TEAD1: variants seen among roughly 807,000 people sequenced by gnomAD.
The protein encoded by TEAD1 is transcriptional enhancer factor TEF-1.
A neutral mutation model predicts 54.9 loss-of-function variants in TEAD1; 9 were observed. The observed-to-expected ratio is 0.16, with a 90% CI of 0.10 to 0.29. TEAD1 has a LOEUF of 0.29. TEAD1 is among the 10% of genes least tolerant of loss of function. The probability of loss-of-function intolerance (pLI) is 1.00; values close to 1 mark genes in which losing one functional copy is unlikely to be tolerated. For synonymous variants in TEAD1, 200 were observed against 187.8 expected, an observed-to-expected ratio of 1.07 and a Z score of -0.53; for missense variants, 387 against 535.9, an observed-to-expected ratio of 0.72 and a Z score of 2.74.
chr11:12,732,924 G>A (rs951185507), intron 2 of TEAD1, among the ~76,000 whole-genome samples: 5 of 152,192 alleles, frequency 3.3e-5, no homozygotes, highest in Non-Finnish European at 5.9e-5. Context: ...GGCTTGCAAA[G>A]CTAATACCTA....
chr11:12,709,768 A>C (rs1943895117), intron 2 of TEAD1, among the ~76,000 whole-genome samples: 1 of 151,966 alleles, frequency 6.6e-6, no homozygotes, highest in East Asian at 1.9e-4. Flanking sequence ...AACCCAAGTA[A>C]TCCTCCTGCC....
chr11:12,856,238 G>C (rs1947376583), intron 3 of TEAD1, among the ~76,000 whole-genome samples: 1 of 151,140 alleles, frequency 6.6e-6, no homozygotes, highest in East Asian at 1.9e-4. Flanking sequence ...CATAAATGTT[G>C]AGCCACCTGA....
chr11:12,842,487 T>C lies in TEAD1; in HGVS notation c.203-19763T>C, dbSNP rs548899874. 7.9e-5 allele frequency among the ~76,000 whole-genome samples: 12 copies of C among 152,308 alleles called. No homozygotes were observed. In the South Asian group the frequency reaches 2.5e-3, roughly 32 times the overall value. On this transcript the variant is annotated intron_variant, in intron 3 of 12. Coordinates refer to ENST00000527636, the MANE Select transcript of TEAD1 (RefSeq NM_021961.6). ...ATTTATTAATGGAGGCTTGGTGAAC[T>C]TCCGGAGATACTCTTAGCCTGTCCT...
chr11:12,811,049 G>A (rs1946289822), intron 3 of TEAD1, among the ~76,000 whole-genome samples: 1 of 152,174 alleles, frequency 6.6e-6, no homozygotes, highest in Non-Finnish European at 1.5e-5. Flanking sequence ...ATTCAGGTGG[G>A]ATGACGTCCC....
chr11:12,883,241 G>C (rs953175234), intron 9 of TEAD1, 116 bp downstream of exon 9: 1 of 1,500,590 alleles, frequency 6.7e-7, no homozygotes, highest in Non-Finnish European at 9.2e-7. Flanking sequence ...CAAATATCCT[G>C]TGTGAAAACG....
chr11:12,832,443 T>G (rs542421048), intron 3 of TEAD1, among the ~76,000 whole-genome samples: 19 of 152,348 alleles, frequency 1.2e-4, no homozygotes, highest in Admixed American at 9.8e-4. Flanking sequence ...AAGACCAAAT[T>G]TAATCTATAC....
chr11:12,840,175 A>G (rs915970932), intron 3 of TEAD1, among the ~76,000 whole-genome samples: 3 of 145,870 alleles, frequency 2.1e-5, no homozygotes, highest in African/African-American at 7.7e-5. Flanking sequence ...TGAACCCGGG[A>G]GGCGGAGCTT....
At chr11:12,870,574 G>C (rs1809774508) in intron 5 of TEAD1, among the ~76,000 whole-genome samples, 1 of 152,198 alleles carries the variant, frequency 6.6e-6, no homozygotes, top group South Asian at 2.1e-4. Flanking sequence ...CCCCCCCGGG[G>C]TTGGGGCATT....
At chr11:12,677,451 G>A (rs1000998853) in intron 2 of TEAD1, among the ~76,000 whole-genome samples, 7 of 152,034 alleles carry the variant, frequency 4.6e-5, no homozygotes, top group African/African-American at 1.4e-4. Context: ...TTATATATTA[G>A]TATACTCACT....
intron 2 of TEAD1, among the ~76,000 whole-genome samples, chr11:12,739,112 G>C (rs1351786423): frequency 6.6e-6 from 1 of 152,180 alleles, no homozygotes; most frequent in Non-Finnish European, 1.5e-5. Flanking sequence ...TGGAATATGA[G>C]TGCTCCAGCA....
Position 12,942,512 on chromosome 11 carries a change from C to G in TEAD1, c.*5290C>G, listed in dbSNP as rs1949170978. 1 of 152,212 alleles carries G rather than the reference C, an allele frequency of 6.6e-6. No individual in the cohort carries two copies. The highest frequency in any genetic ancestry group is 1.5e-5 in the Non-Finnish European group (1 of 68,050). The allele number at this position is 152,212 out of a possible 1,614,324, so 9.4% of individuals were successfully genotyped here. ...TGTCATTTCACCTCGTCACCCAGCC[C>G]TGCGTCCGGATGAGGGGACTTCTGC... On this transcript the variant is annotated 3_prime_UTR_variant, in exon 13 of 13. Transcript: ENST00000527636.
At chr11:12,815,580 C>T (rs1379265646) in intron 3 of TEAD1, among the ~76,000 whole-genome samples, 1 of 152,058 alleles carries the variant, frequency 6.6e-6, no homozygotes, top group Non-Finnish European at 1.5e-5. Context: ...GATGGTATGC[C>T]CCTCTTAACA....
At chr11:12,895,964 T>G (rs1203049951) in intron 9 of TEAD1, among the ~76,000 whole-genome samples, 1 of 145,772 alleles carries the variant, frequency 6.9e-6, no homozygotes, top group Admixed American at 6.9e-5. Flanking sequence ...TCCCCCTATG[T>G]GCTTTTCTCT....
In TEAD1 at chr11:12,808,776, G is replaced by A. The variant is rs1050134069; in HGVS notation, c.202+44342G>A. 3.3e-5 allele frequency among the ~76,000 whole-genome samples: 5 copies of A among 152,220 alleles called. No homozygotes were observed. In the East Asian group the frequency reaches 5.8e-4, roughly 18 times the overall value. ...ATCACCATAAACATACTTTAAAGTTGTCAGTTATGTTTTCTTTCTCATTTT... is the reference window on the plus strand; with the variant it reads ...ATCACCATAAACATACTTTAAAGTTATCAGTTATGTTTTCTTTCTCATTTT... On this transcript the variant is annotated intron_variant, in intron 3 of 12. Transcript: ENST00000527636.
intron 10 of TEAD1, among the ~76,000 whole-genome samples, chr11:12,921,747 C>T (rs1479206264): frequency 6.6e-6 from 1 of 152,112 alleles, no homozygotes; most frequent in Non-Finnish European, 1.5e-5. Context: ...CCCCTGTGTG[C>T]CTGAGGTGTA....
intron 2 of TEAD1, among the ~76,000 whole-genome samples, chr11:12,693,967 T>G (rs1943521293): frequency 1.3e-5 from 2 of 152,176 alleles, no homozygotes; most frequent in Non-Finnish European, 1.5e-5. Flanking sequence ...GGTAGGAAGA[T>G]GTATGTCTGA....
intron 3 of TEAD1, among the ~76,000 whole-genome samples, chr11:12,846,556 G>T (rs1320698881): frequency 1.3e-5 from 2 of 151,996 alleles, no homozygotes; most frequent in Non-Finnish European, 1.5e-5. Flanking sequence ...TGCAGATAAA[G>T]CTGTGTTGAC....
At chr11:12,833,632 A>T (rs1482648363) in intron 3 of TEAD1, among the ~76,000 whole-genome samples, 1 of 152,190 alleles carries the variant, frequency 6.6e-6, no homozygotes, top group Admixed American at 6.5e-5. Context: ...TACTAAAAAA[A>T]AAAGCGTTGG....
chr11:12,910,079 C>A (rs143328405), intron 10 of TEAD1, among the ~76,000 whole-genome samples: 3 of 152,164 alleles, frequency 2.0e-5, no homozygotes, highest in South Asian at 2.1e-4. Context: ...TTGCCAGTGA[C>A]GTGGCAGACA....
Sources: gnomAD v4.1 joint callset for allele counts (sites outside exome capture counted in the v4.1 genomes callset) on GRCh38, gnomAD v4.1.1 for gene constraint, MANE v1.5 for transcripts, NCBI Gene and HGNC (gene_info 2026-07-23, HGNC 2026-07-21) for gene names.